Variants in DPYD observed in about 807,000 individuals in gnomAD.
DPYD encodes dihydropyrimidine dehydrogenase [NADP(+)].
A neutral mutation model predicts 116.2 loss-of-function variants in DPYD; 109 were observed. The ratio of observed to expected loss-of-function variants is 0.94; its 90% CI spans 0.80 to 1.10. DPYD has a LOEUF of 1.10. Ranked by LOEUF, DPYD falls within the 50% of genes least tolerant of loss-of-function variation. DPYD has a pLI of 0.00. For synonymous variants in DPYD, 440 were observed against 432.0 expected (o/e 1.02, Z -0.23); for missense variants, 1,302 against 1,254.5 (o/e 1.04, Z -0.57).
Position 97,226,840 on chromosome 1 carries a change from C to T in DPYD, c.2442+8012G>A, listed in dbSNP as rs541295484. 2.0e-5 allele frequency among the ~76,000 whole-genome samples: 3 copies of T among 152,144 alleles called. No homozygotes were observed. The South Asian group carries it at 6.2e-4, about 32-fold the overall frequency. On this transcript the variant is annotated intron_variant, in intron 19 of 22. Transcript: ENST00000370192. ...ATTCAATAGAATCCCTACAAACATT[C>T]CACTGGCATTTTTCATAAAAAAAAT...
intron 13 of DPYD, among the ~76,000 whole-genome samples, chr1:97,460,199 G>T (rs1174408135): frequency 6.6e-6 from 1 of 152,178 alleles, no homozygotes; most frequent in Non-Finnish European, 1.5e-5. Flanking sequence ...ATAACTCTAA[G>T]ATTGTATGTT....
intron 4 of DPYD, among the ~76,000 whole-genome samples, chr1:97,737,916 GA>G (rs1664053134): frequency 6.6e-6 from 1 of 152,036 alleles, no homozygotes; most frequent in African/African-American, 2.4e-5. Context: ...CTATCACAAA[GA>G]AAAACTTTTC....
At chr1:97,148,038 G>T (rs1402185578) in intron 20 of DPYD, among the ~76,000 whole-genome samples, 2 of 149,490 alleles carry the variant, frequency 1.3e-5, no homozygotes, top group Non-Finnish European at 3.0e-5. Context: ...TAGGTCTCGG[G>T]AGATATAAGC....
chr1:97,569,247 A>G (rs1455110514), intron 11 of DPYD, among the ~76,000 whole-genome samples: 1 of 151,928 alleles, frequency 6.6e-6, no homozygotes, highest in Non-Finnish European at 1.5e-5. Flanking sequence ...TTCCAACAAG[A>G]AAGAGAAGGA....
At chr1:97,231,324 C>G (rs1260238822) in intron 19 of DPYD, among the ~76,000 whole-genome samples, 2 of 152,154 alleles carry the variant, frequency 1.3e-5, no homozygotes, top group Non-Finnish European at 2.9e-5. Context: ...GATGGGAATT[C>G]TGGCTCCATT....
chr1:97,134,014 A>AATATATATAT (rs1165027630), intron 20 of DPYD, among the ~76,000 whole-genome samples: 4 of 18,802 alleles, frequency 2.1e-4, no homozygotes, highest in Non-Finnish European at 3.8e-4. Flanking sequence ...AAAAAAAAAA[A>AATATATATAT]ATATATATAT....
chr1:97,844,036 A>G lies in DPYD; in HGVS notation c.151-15840T>C, dbSNP rs189465398. ...ATAGGGAAATAAAGATCTATTACAA[A>G]CAGAATGGTCAGGGAAGACATTTTC... On this transcript the variant is annotated intron_variant, in intron 2 of 22. Transcript: ENST00000370192. Among the ~76,000 whole-genome samples the G allele has an allele frequency of 2.2e-3, 339 of 152,302 alleles. 2 individuals carry two copies. Among genetic ancestry groups the G allele is most frequent in the Non-Finnish European group, 4.0e-3 (274 of 68,012 alleles).
intron 5 of DPYD, among the ~76,000 whole-genome samples, chr1:97,699,984 G>T (rs947856113): frequency 1.3e-5 from 2 of 152,008 alleles, no homozygotes; most frequent in Non-Finnish European, 2.9e-5. Flanking sequence ...GATGGCACAC[G>T]GTAGACATTT....
chr1:97,419,346 A>G (rs1674453204), intron 14 of DPYD, among the ~76,000 whole-genome samples: 1 of 152,074 alleles, frequency 6.6e-6, no homozygotes, highest in Non-Finnish European at 1.5e-5. Context: ...TCAAAAACTC[A>G]TCACCTCTTC....
At chr1:97,089,352 G>A (rs914935405) in intron 21 of DPYD, among the ~76,000 whole-genome samples, 2 of 152,126 alleles carry the variant, frequency 1.3e-5, no homozygotes, top group Non-Finnish European at 2.9e-5. Context: ...AATAAAGCAC[G>A]TTTCTCATTT....
intron 5 of DPYD, among the ~76,000 whole-genome samples, chr1:97,710,283 T>C (rs1457301792): frequency 2.0e-5 from 3 of 151,876 alleles, no homozygotes; most frequent in African/African-American, 4.8e-5. Flanking sequence ...TGAAATTACA[T>C]ACCTTCTAGG....
At position 97,883,366 on chromosome 1, in the gene DPYD, C is replaced by T. The variant is rs763165014; in HGVS notation, c.48G>A (p.Leu16=). 6.2e-6 allele frequency: 10 copies of T among 1,604,154 alleles called. No homozygotes were observed. Among genetic ancestry groups the T allele is most frequent in the Non-Finnish European group, 8.5e-6 (10 of 1,171,468 alleles). ...GAGTTTGTGTTCGAGGATTTAAAGCCAGGATACTCTAAAGACAGCATAAAC... is the reference window on the plus strand; with the variant it reads ...GAGTTTGTGTTCGAGGATTTAAAGCTAGGATACTCTAAAGACAGCATAAAC... ...SKDSADIESI[L]ALNPRTQTHA... The change falls in exon 2 of 23, where the codon CTG becomes CTA. Residue 16 remains leucine, a synonymous_variant. Coordinates refer to ENST00000370192, the MANE Select transcript of DPYD (RefSeq NM_000110.4).
intron 3 of DPYD, among the ~76,000 whole-genome samples, chr1:97,768,773 A>T (rs746000345): frequency 3.9e-5 from 6 of 152,156 alleles, no homozygotes; most frequent in Non-Finnish European, 8.8e-5. Context: ...AATAAGAAAA[A>T]ACCCACATTA....
At chr1:97,298,436 T>A (rs1352993801) in intron 18 of DPYD, among the ~76,000 whole-genome samples, 1 of 152,114 alleles carries the variant, frequency 6.6e-6, no homozygotes, top group African/African-American at 2.4e-5. Flanking sequence ...TATGCAAAAA[T>A]TGGCTACAGT....
chr1:97,110,949 C>G (rs1287619867), intron 20 of DPYD, among the ~76,000 whole-genome samples: 1 of 152,002 alleles, frequency 6.6e-6, no homozygotes, highest in Non-Finnish European at 1.5e-5. Context: ...GGGAGGATAA[C>G]TTGAGCCTAG....
At chr1:97,694,944 T>C (rs1044091533) in intron 6 of DPYD, among the ~76,000 whole-genome samples, 4 of 152,216 alleles carry the variant, frequency 2.6e-5, no homozygotes, top group Non-Finnish European at 1.5e-5. Context: ...GATCCCATTT[T>C]TATTACCAAC....
At chr1:97,396,861 T>A (rs973284362) in intron 14 of DPYD, among the ~76,000 whole-genome samples, 1 of 152,026 alleles carries the variant, frequency 6.6e-6, no homozygotes, top group African/African-American at 2.4e-5. Flanking sequence ...CTCAACTGTA[T>A]CATCCTCAAT....
rs919951359 is a variant in DPYD, at chr1:97,559,263, T to G, written c.1340-9519A>C. Among the ~76,000 whole-genome samples the G allele has an allele frequency of 2.0e-5, 3 of 152,146 alleles. No individual in the cohort carries two copies. The South Asian group carries it at 6.2e-4, about 31-fold the overall frequency. On this transcript the variant is annotated intron_variant, in intron 11 of 22. Coordinates refer to ENST00000370192, the MANE Select transcript of DPYD (RefSeq NM_000110.4). ...AAAAATGTTTCATATAAAATTCCCA[T>G]TTGCTGCATTTAACGGAAAAATAAA...
intron 1 of DPYD, among the ~76,000 whole-genome samples, chr1:97,909,292 C>T (rs1236269510): frequency 6.6e-6 from 1 of 152,004 alleles, no homozygotes. Flanking sequence ...TATTCTAAAC[C>T]TTATATTATC....
Sources: allele counts gnomAD v4.1 joint callset (sites outside exome capture counted in the v4.1 genomes callset), GRCh38; gene constraint gnomAD v4.1.1; transcripts MANE v1.5; gene names NCBI Gene and HGNC (gene_info 2026-07-23, HGNC 2026-07-21).